UNC13C: variants seen among roughly 807,000 people sequenced by gnomAD.
UNC13C encodes unc-13 homolog C.
In UNC13C, 174 loss-of-function variants were observed where a neutral mutation model predicts 245.4. That is an observed-to-expected ratio of 0.71 (90% CI 0.63 to 0.80). UNC13C has a LOEUF of 0.80. Among genes scored for constraint, UNC13C ranks in the 30% least tolerant of loss-of-function variants. The pLI is 0.00. For synonymous variants in UNC13C, 992 were observed against 895.1 expected (o/e 1.11, Z -1.93); for missense variants, 2,829 against 2,602.9 (o/e 1.09, Z -1.89).
At chr15:53,878,090 C>A in the UNC13C span, among the ~76,000 whole-genome samples, 1 of 152,058 alleles carries the variant, frequency 6.6e-6, no homozygotes, top group Non-Finnish European at 1.5e-5. Context: ...ATGAAACTTG[C>A]ATTTTTTAAA....
At chr15:53,899,655 C>T in the UNC13C span, among the ~76,000 whole-genome samples, 2,367 of 152,266 alleles carry the variant, frequency 0.016, 101 homozygotes, top group East Asian at 0.13. Flanking sequence ...ACATCCACCT[C>T]CCGGGTTCAA....
intron 2 of UNC13C, among the ~76,000 whole-genome samples, chr15:54,091,284 G>A: frequency 6.6e-6 from 1 of 152,174 alleles, no homozygotes; most frequent in Admixed American, 6.5e-5. Flanking sequence ...TTTAACTTGT[G>A]CTGTTTCAGC....
chr15:54,422,498 G>A (rs139297243), intron 19 of UNC13C, among the ~76,000 whole-genome samples: 43 of 152,024 alleles, frequency 2.8e-4, no homozygotes, highest in Non-Finnish European at 4.4e-4. Context: ...TTACTATGGC[G>A]TATAATGTAG....
intron 4 of UNC13C, among the ~76,000 whole-genome samples, chr15:54,193,353 A>G (rs1480480080): frequency 2.0e-5 from 3 of 152,170 alleles, no homozygotes. Flanking sequence ...TATACACAAC[A>G]CATGTTTTCT....
chr15:54,327,568 C>A (rs1025273308), intron 14 of UNC13C, among the ~76,000 whole-genome samples: 2 of 151,832 alleles, frequency 1.3e-5, no homozygotes, highest in African/African-American at 2.4e-5. Context: ...GTTAAACAGG[C>A]AAGGCAAACT....
At chr15:54,136,135 A>G (rs1032672617) in intron 2 of UNC13C, among the ~76,000 whole-genome samples, 9 of 152,038 alleles carry the variant, frequency 5.9e-5, no homozygotes, top group African/African-American at 2.2e-4. Flanking sequence ...GTAAATTTTA[A>G]TTTTTAAAAA....
intron 17 of UNC13C, among the ~76,000 whole-genome samples, chr15:54,366,725 A>G (rs1440837677): frequency 2.0e-5 from 3 of 152,042 alleles, no homozygotes; most frequent in Non-Finnish European, 4.4e-5. Context: ...GCTCTCAGTG[A>G]TTTTTTTTAT....
In UNC13C at chr15:54,014,328, A is replaced by G. The variant is rs1157926252; in HGVS notation, c.1425A>G (p.Thr475=). The change falls in exon 2 of 33, where the codon ACA becomes ACG. Residue 475 remains threonine (T), a synonymous_variant. Transcript: ENST00000260323. ...YAVLSKSELL[T]KGSTSKPSSK... is the part of the protein sequence containing the mutation. Reference sequence around the variant, plus strand: ...TGCTTTCCAAGTCAGAGCTTCTAACAAAGGGAAGTACTTCCAAGCCAAGCT... The same window carrying G: ...TGCTTTCCAAGTCAGAGCTTCTAACGAAGGGAAGTACTTCCAAGCCAAGCT... 2 of 1,613,812 alleles carry G rather than the reference A, an allele frequency of 1.2e-6. No homozygotes were observed. Among genetic ancestry groups the G allele is most frequent in the African/African-American group, 2.7e-5 (2 of 74,928 alleles).
At chr15:54,460,432 G>T (rs1028319987) in intron 19 of UNC13C, among the ~76,000 whole-genome samples, 4 of 152,228 alleles carry the variant, frequency 2.6e-5, no homozygotes, top group African/African-American at 4.8e-5. Context: ...CCAGGTTATT[G>T]CTGGCAGTAG....
chr15:54,015,364 G>A lies in UNC13C; in HGVS notation c.2461G>A (p.Gly821Arg). The change falls in exon 2 of 33, where the codon GGG becomes AGG. Residue 821 changes from glycine to arginine, a missense_variant. Physicochemically the swap from Gly to Arg is moderately radical, Grantham distance 125. Transcript: ENST00000260323. ...VWNKSTQSLS[G>R]YEDSGSSLMG... ...GAACAAAAGCACACAGAGTCTGAGTGGGTATGAGGACAGTGGCTCTTCATT... is the reference window on the plus strand; with the variant it reads ...GAACAAAAGCACACAGAGTCTGAGTAGGTATGAGGACAGTGGCTCTTCATT... 1 of 1,613,860 alleles carries A rather than the reference G, an allele frequency of 6.2e-7. No individual in the cohort carries two copies. The highest frequency in any genetic ancestry group is 8.5e-7 in the Non-Finnish European group (1 of 1,179,846).
chr15:54,541,990 G>A (rs1446759040), intron 26 of UNC13C, among the ~76,000 whole-genome samples: 1 of 152,004 alleles, frequency 6.6e-6, no homozygotes, highest in East Asian at 1.9e-4. Context: ...AAAATCGTGT[G>A]CTTTGGGAGA....
upstream of UNC13C, among the ~76,000 whole-genome samples, chr15:53,976,473 C>T (rs1339257571): frequency 0.014 from 395 of 27,406 alleles, 1 homozygote; most frequent in African/African-American, 0.024. Flanking sequence ...CTCTCTCTCT[C>T]TCTCTTTTTT....
chr15:53,922,179 T>G, the UNC13C span, among the ~76,000 whole-genome samples: 5 of 152,244 alleles, frequency 3.3e-5, no homozygotes, highest in Non-Finnish European at 7.3e-5. Flanking sequence ...GTGTTCAAAC[T>G]GTAGCCTTGT....
At chr15:54,573,082 A>T (rs1897827191) in intron 30 of UNC13C, among the ~76,000 whole-genome samples, 1 of 152,196 alleles carries the variant, frequency 6.6e-6, no homozygotes, top group Non-Finnish European at 1.5e-5. Context: ...CTTTAAAAAT[A>T]TGTTTAATTG....
At chr15:54,112,020 C>T (rs1020805044) in intron 2 of UNC13C, among the ~76,000 whole-genome samples, 6 of 152,188 alleles carry the variant, frequency 3.9e-5, no homozygotes, top group Admixed American at 3.9e-4. Flanking sequence ...ACCCAAGCCA[C>T]TGTGTGATAT....
rs546002233 is a variant in UNC13C, at chr15:54,294,205, T to C, written c.3988+141T>C. On this transcript the variant is annotated intron_variant, in intron 11 of 32. Transcript: ENST00000260323. ...TTGAACTTTAGATGATTCATTTCATTGACAAGAAAAGGCTATTCTTTTTTC... is the reference window on the plus strand; with the variant it reads ...TTGAACTTTAGATGATTCATTTCATCGACAAGAAAAGGCTATTCTTTTTTC... The C allele has an allele frequency of 2.5e-5, 19 of 748,862 alleles. No homozygotes were observed. The East Asian group carries it at 5.2e-4, about 20-fold the overall frequency. 46.4% of individuals were successfully genotyped at this position (748,862 alleles called of 1,614,324 possible).
intron 13 of UNC13C, among the ~76,000 whole-genome samples, 188 bp downstream of exon 13, chr15:54,300,561 A>T (rs1282451469): frequency 6.6e-6 from 1 of 152,160 alleles, no homozygotes; most frequent in Non-Finnish European, 1.5e-5. Flanking sequence ...ATTCACTACC[A>T]CCATCCTCCA....
At chr15:53,965,385 A>G in the UNC13C span, among the ~76,000 whole-genome samples, 27 of 152,196 alleles carry the variant, frequency 1.8e-4, no homozygotes, top group South Asian at 6.2e-4. Context: ...CAATTACTTC[A>G]TATATTCACA....
chr15:54,450,562 C>T (rs1169397614), intron 19 of UNC13C, among the ~76,000 whole-genome samples: 2 of 152,246 alleles, frequency 1.3e-5, no homozygotes, highest in African/African-American at 2.4e-5. Flanking sequence ...GCTTGGGACC[C>T]TCTGAGCCAG....
Sources: gnomAD v4.1 joint callset for allele counts (sites outside exome capture counted in the v4.1 genomes callset) on GRCh38, gnomAD v4.1.1 for gene constraint, MANE v1.5 for transcripts, NCBI Gene and HGNC (gene_info 2026-07-23, HGNC 2026-07-21) for gene names.